Variants in FLT1 observed in about 807,000 individuals in gnomAD.
FLT1 encodes vascular endothelial growth factor receptor 1.
Under a neutral mutation model 156.3 loss-of-function variants are expected in FLT1, and 49 were observed. The ratio of observed to expected loss-of-function variants is 0.31; its 90% CI spans 0.25 to 0.40. The LOEUF (loss-of-function observed/expected upper bound fraction) is 0.40, where lower values mean the gene tolerates loss of function less well. Among genes scored for constraint, FLT1 ranks in the 10% least tolerant of loss-of-function variants. The pLI is 1.00. For missense variants in FLT1, 1,322 were observed against 1,637.2 expected (o/e 0.81, Z 3.32); for synonymous variants, 594 against 583.8 (o/e 1.02, Z -0.25).
chr13:28,456,780 G>A (rs954580508), intron 3 of FLT1, among the ~76,000 whole-genome samples: 1 of 149,700 alleles, frequency 6.7e-6, no homozygotes, highest in Admixed American at 6.7e-5. Flanking sequence ...TGGGCAACAG[G>A]ATGAGACTCC....
Position 28,430,148 on chromosome 13 carries a change from C to T in FLT1, c.1008G>A (p.Val336=). 1 of 1,612,616 alleles carries T rather than the reference C, an allele frequency of 6.2e-7. No homozygotes were observed. Among genetic ancestry groups the T allele is most frequent in the Non-Finnish European group, 8.5e-7 (1 of 1,178,682 alleles). ...CAAGCACCTGCTGTTTTCGATGTTTCACAGTGATGAATGCTTTATCTTTGA... is the reference window on the plus strand; with the variant it reads ...CAAGCACCTGCTGTTTTCGATGTTTTACAGTGATGAATGCTTTATCTTTGA... ...VHIYDKAFIT[V]KHRKQQVLET... The change falls in exon 8 of 30, where the codon GTG becomes GTA. Residue 336 remains valine, a synonymous_variant. Transcript: ENST00000282397.
intron 12 of FLT1, among the ~76,000 whole-genome samples, chr13:28,391,867 G>T (rs1874746208): frequency 6.6e-6 from 1 of 152,010 alleles, no homozygotes. Context: ...AAGTCTGCCG[G>T]CCCTGAACTG....
rs1870582973 is a variant in FLT1, at chr13:28,303,165, C to T, written c.*2G>A. ...TCTAGAAATAAGGCTTCGTGTCAAA[C>T]TCTAGATGGGTGGGGTGGAGTACAG... On this transcript the variant is annotated 3_prime_UTR_variant, in exon 30 of 30. Transcript: ENST00000282397. 3 of 1,608,798 alleles carry T rather than the reference C, an allele frequency of 1.9e-6. No individual in the cohort carries two copies. In the South Asian group the frequency reaches 3.3e-5, roughly 18 times the overall value.
chr13:28,432,336 A>G (rs1877744362), intron 6 of FLT1, among the ~76,000 whole-genome samples: 1 of 152,154 alleles, frequency 6.6e-6, no homozygotes, highest in Admixed American at 6.6e-5. Flanking sequence ...ACACATGTTG[A>G]GGCCATTTTC....
intron 29 of FLT1, among the ~76,000 whole-genome samples, chr13:28,304,743 A>C (rs1870668225): frequency 6.6e-6 from 1 of 152,160 alleles, no homozygotes; most frequent in South Asian, 2.1e-4. Context: ...TTCTGTCTCT[A>C]GATTTACCAA....
intron 18 of FLT1, among the ~76,000 whole-genome samples, chr13:28,330,592 A>G (rs945811628): frequency 1.4e-5 from 2 of 142,722 alleles, no homozygotes; most frequent in African/African-American, 5.4e-5. Flanking sequence ...GAGGTCCTAT[A>G]TATATATATA....
At chr13:28,461,165 C>A (rs955398251) in intron 3 of FLT1, among the ~76,000 whole-genome samples, 34 of 151,740 alleles carry the variant, frequency 2.2e-4, no homozygotes, top group African/African-American at 8.2e-4. Flanking sequence ...GGTTGAAACC[C>A]ATTCATTTGA....
intron 1 of FLT1, among the ~76,000 whole-genome samples, chr13:28,493,883 T>A (rs557035853): frequency 3.3e-5 from 5 of 152,236 alleles, no homozygotes; most frequent in Non-Finnish European, 5.9e-5. Context: ...CATCGATTCC[T>A]CAAACCACAT....
chr13:28,398,537 T>A (rs1875209418), intron 11 of FLT1, among the ~76,000 whole-genome samples: 2 of 152,234 alleles, frequency 1.3e-5, no homozygotes. Context: ...ATGTTCCTCA[T>A]GTTTTTAGCC....
At chr13:28,410,047 G>T (rs554139308) in intron 10 of FLT1, among the ~76,000 whole-genome samples, 1 of 152,154 alleles carries the variant, frequency 6.6e-6, no homozygotes, top group South Asian at 2.1e-4. Flanking sequence ...ATTCAAGACA[G>T]GTTCCATTCA....
At chr13:28,318,726 T>A (rs556302343) in intron 24 of FLT1, among the ~76,000 whole-genome samples, 2 of 152,278 alleles carry the variant, frequency 1.3e-5, no homozygotes, top group African/African-American at 4.8e-5. Context: ...GAAAGGCAAA[T>A]TTTTGGCAAA....
chr13:28,485,003 G>T (rs1881070102), intron 1 of FLT1, among the ~76,000 whole-genome samples: 1 of 151,742 alleles, frequency 6.6e-6, no homozygotes, highest in Non-Finnish European at 1.5e-5. Context: ...ACTGGGTGCA[G>T]CACACCAACA....
At chr13:28,424,801 C>T (rs1393108655) in intron 10 of FLT1, among the ~76,000 whole-genome samples, 1 of 152,034 alleles carries the variant, frequency 6.6e-6, no homozygotes, top group South Asian at 2.1e-4. Flanking sequence ...GTATAGACAC[C>T]AGTATGCAAA....
intron 1 of FLT1, among the ~76,000 whole-genome samples, chr13:28,494,278 C>T (rs184525248): frequency 1.6e-3 from 245 of 152,342 alleles, no homozygotes; most frequent in African/African-American, 5.4e-3. Context: ...GACGCGAGGT[C>T]GCGGCCAGTG....
chr13:28,310,032 G>A (rs1870932624), intron 27 of FLT1, among the ~76,000 whole-genome samples: 1 of 151,732 alleles, frequency 6.6e-6, no homozygotes, highest in Admixed American at 6.6e-5. Flanking sequence ...TGGGACTACA[G>A]GTACGTGCCA....
chr13:28,475,278 T>C (rs540237451), intron 1 of FLT1, among the ~76,000 whole-genome samples: 2 of 150,842 alleles, frequency 1.3e-5, no homozygotes, highest in East Asian at 1.9e-4. Context: ...TTTATATCAA[T>C]TTTTTATTTC....
chr13:28,345,018 G>A (rs374134306), intron 16 of FLT1, among the ~76,000 whole-genome samples: 334 of 151,838 alleles, frequency 2.2e-3, no homozygotes, highest in African/African-American at 7.3e-3. Context: ...GGACAGGCTG[G>A]TCTTGAACTC....
chr13:28,446,200 C>T (rs780774054), intron 3 of FLT1, among the ~76,000 whole-genome samples: 4 of 152,190 alleles, frequency 2.6e-5, no homozygotes, highest in Non-Finnish European at 5.9e-5. Flanking sequence ...CGTCTAACAT[C>T]ATATTTAATG....
chr13:28,411,166 A>G lies in FLT1; in HGVS notation c.1437-5272T>C, dbSNP rs183391286. The stretch of plus-strand genomic sequence containing the variant: ...ACTACTTTATAGTTACATTTTTGGC[A>G]TAAATTCTAGTTCGTTTTGGTCATA... On this transcript the variant is annotated intron_variant, in intron 10 of 29. Transcript: ENST00000282397. Among the ~76,000 whole-genome samples the G allele has an allele frequency of 4.7e-3, 712 of 152,244 alleles. 7 individuals carry two copies. The highest frequency in any genetic ancestry group is 0.016 in the African/African-American group (680 of 41,552).
Sources: gnomAD v4.1 joint callset for allele counts (sites outside exome capture counted in the v4.1 genomes callset) on GRCh38, gnomAD v4.1.1 for gene constraint, MANE v1.5 for transcripts, NCBI Gene and HGNC (gene_info 2026-07-23, HGNC 2026-07-21) for gene names.